The following DNAH1 variants were observed in gnomAD, a reference collection of about 807,000 sequenced individuals.
DNAH1 encodes the protein dynein axonemal heavy chain 1.
A neutral mutation model predicts 484.3 loss-of-function variants in DNAH1; 327 were observed. The observed-to-expected ratio is 0.68, with a 90% CI of 0.62 to 0.74. The LOEUF (loss-of-function observed/expected upper bound fraction) is 0.74, where lower values mean the gene tolerates loss of function less well. Ranked by LOEUF, DNAH1 falls within the 30% of genes least tolerant of loss-of-function variation. The probability of loss-of-function intolerance (pLI) is 0.00; values close to 1 mark genes in which losing one functional copy is unlikely to be tolerated. For synonymous variants in DNAH1, 2,192 were observed against 2,191.9 expected (o/e 1.00, Z 0.00); for missense variants, 5,052 against 5,546.8 (o/e 0.91, Z 2.83).
intron 44 of DNAH1, 130 bp from the exon 45 acceptor site, chr3:52,375,110 A>G (rs1458781625): frequency 2.8e-6 from 3 of 1,080,568 alleles, no homozygotes; most frequent in Admixed American, 3.1e-5. Flanking sequence ...CCTGTGTAAT[A>G]TTGATGTATT....
chr3:52,344,695 A>G, intron 9 of DNAH1, 48 bp downstream of exon 9: 1 of 1,571,234 alleles, frequency 6.4e-7, no homozygotes, highest in East Asian at 2.3e-5. Context: ...CCACCTGGCC[A>G]GAGCCCCCTC....
At position 52,353,189 on chromosome 3, in the gene DNAH1, G is replaced by T. The variant is rs1243838956; in HGVS notation, c.3114G>T (p.Glu1038Asp). The T allele has an allele frequency of 1.9e-6, 3 of 1,613,918 alleles. No individual in the cohort carries two copies. Among genetic ancestry groups the T allele is most frequent in the Non-Finnish European group, 2.5e-6 (3 of 1,179,906 alleles). The change falls in exon 19 of 78, where the codon GAG (glutamate) becomes GAT (aspartate). Residue 1038 changes from glutamate to aspartate, a missense_variant. Coordinates refer to ENST00000420323, the MANE Select transcript of DNAH1 (RefSeq NM_015512.5). The surrounding 1 kb of genome is among the most constrained non-coding windows in gnomAD (Gnocchi z 5.0). Reference sequence around the variant, plus strand: ...CGTCTGACTGGCTGCGCTGGTCGGAGAGCTGGATGAATGACCCCCTCTCTG... The same window carrying T: ...CGTCTGACTGGCTGCGCTGGTCGGATAGCTGGATGAATGACCCCCTCTCTG... Reference protein sequence around the residue: ...TTASDWLRWSESWMNDPLSAI... With the variant: ...TTASDWLRWSDSWMNDPLSAI...
Position 52,388,606 on chromosome 3 carries a change from C to T in DNAH1, c.9360C>T (p.Gly3120=), listed in dbSNP as rs1023343050. 56 of 1,612,012 alleles carry T rather than the reference C, an allele frequency of 3.5e-5. No individual in the cohort carries two copies. The highest frequency in any genetic ancestry group is 4.7e-5 in the Non-Finnish European group (55 of 1,179,458). Residue 3120 remains glycine, a synonymous_variant, in exon 58 of 78, where the codon GGC becomes GGT. Transcript: ENST00000420323. ...GTGAGCAGCGGCTGGGCCGAGCTGG[C>T]AAGGTGCGCACCCTCCTCCTGCAAG... ...EQCEQRLGRA[G]KLINGLSDEK... is the part of the protein sequence containing the mutation.
In DNAH1 at chr3:52,383,940, A is replaced by T; in HGVS notation, c.8231A>T (p.Glu2744Val). The T allele has an allele frequency of 6.2e-7, 1 of 1,613,258 alleles. No homozygotes were observed. The highest frequency in any genetic ancestry group is 1.7e-5 in the Admixed American group (1 of 59,932). Reference sequence around the variant, plus strand: ...TGCTGTACCATCGACTGGTTTAACGAGTGGCCGGCAGAAGCCCTGAAGTCT... The same window carrying T: ...TGCTGTACCATCGACTGGTTTAACGTGTGGCCGGCAGAAGCCCTGAAGTCT... Reference protein sequence around the residue: ...VNCCTIDWFNEWPAEALKSVA... With the variant: ...VNCCTIDWFNVWPAEALKSVA... Residue 2744 changes from glutamate (E) to valine (V), a missense_variant, in exon 52 of 78, where the codon GAG (glutamate) becomes GTG (valine). By Grantham distance (121) the Glu-to-Val change is moderately radical. Coordinates refer to ENST00000420323, the MANE Select transcript of DNAH1 (RefSeq NM_015512.5).
At chr3:52,365,591 G>C (rs529570900) in intron 34 of DNAH1, among the ~76,000 whole-genome samples, 1 of 152,030 alleles carries the variant, frequency 6.6e-6, no homozygotes, top group Non-Finnish European at 1.5e-5. Flanking sequence ...CCGAACCCTC[G>C]CCCCTCATAG....
intron 8 of DNAH1, 61 bp downstream of exon 8, chr3:52,332,455 A>G: frequency 6.3e-7 from 1 of 1,581,036 alleles, no homozygotes; most frequent in African/African-American, 1.3e-5. Context: ...ACCTTCCCAT[A>G]GGAAGTTGGT....
chr3:52,360,613 A>G (rs1443850331), intron 28 of DNAH1, among the ~76,000 whole-genome samples, 189 bp downstream of exon 28: 1 of 152,060 alleles, frequency 6.6e-6, no homozygotes, highest in African/African-American at 2.4e-5. Flanking sequence ...CGGGCAGGTG[A>G]CTTGACCCCT....
At chr3:52,331,624 T>C (rs940855284) in intron 7 of DNAH1, among the ~76,000 whole-genome samples, 4 of 103,464 alleles carry the variant, frequency 3.9e-5, no homozygotes, top group African/African-American at 2.0e-4. Flanking sequence ...CTTTTCTTTT[T>C]TTTTTTTTTT....
chr3:52,338,020 T>C (rs1701795843), intron 8 of DNAH1, among the ~76,000 whole-genome samples: 1 of 152,128 alleles, frequency 6.6e-6, no homozygotes, highest in Non-Finnish European at 1.5e-5. Context: ...TCTCAAACAT[T>C]TGGGCTCAAG....
chr3:52,352,805 GGCAGGACCCAGCAGGCT>G (rs1194131257), intron 18 of DNAH1, 98 bp downstream of exon 18: 1 of 1,474,074 alleles, frequency 6.8e-7, no homozygotes, highest in Non-Finnish European at 9.0e-7. Flanking sequence ...GGCATTTGGG[GGCAGGACCCAGCAGGCT>G]GCAGAGTGGA....
intron 75 of DNAH1, 146 bp from the exon 76 acceptor site, chr3:52,398,704 T>A: frequency 7.7e-6 from 5 of 651,678 alleles, no homozygotes; most frequent in Non-Finnish European, 1.2e-5. Context: ...GAGCTGGGAT[T>A]TGTACCCAGG....
chr3:52,334,656 G>A (rs1037439008), intron 8 of DNAH1, among the ~76,000 whole-genome samples: 1 of 152,032 alleles, frequency 6.6e-6, no homozygotes, highest in Non-Finnish European at 1.5e-5. Flanking sequence ...AGCTGAGCGT[G>A]GTGGCACACG....
At chr3:52,323,375 G>T (rs1701221168) in intron 2 of DNAH1, among the ~76,000 whole-genome samples, 1 of 152,196 alleles carries the variant, frequency 6.6e-6, no homozygotes, top group African/African-American at 2.4e-5. Flanking sequence ...AGTCCTGTAG[G>T]TCCCAGGCAG....
At position 52,376,129 on chromosome 3, in the gene DNAH1, G is replaced by A. The variant is rs554836403; in HGVS notation, c.7198+136G>A. On this transcript the variant is annotated intron_variant, in intron 46 of 77. Transcript: ENST00000420323. Reference sequence around the variant, plus strand: ...CATGCAGGGACCTTGGGCCACTAGGGTGCCAGAGCGAAGGTTGACACAGGC... The same window carrying A: ...CATGCAGGGACCTTGGGCCACTAGGATGCCAGAGCGAAGGTTGACACAGGC... The A allele has an allele frequency of 1.8e-5, 20 of 1,095,486 alleles. No individual in the cohort carries two copies. The East Asian group carries it at 4.7e-4, about 26-fold the overall frequency. The allele number at this position is 1,095,486 out of a possible 1,614,324, so 67.9% of individuals were successfully genotyped here. A position where few individuals can be genotyped will look rare whatever the true frequency, so the allele number is the denominator to read the frequency against.
At chr3:52,397,947 G>A in intron 74 of DNAH1, 70 bp downstream of exon 74, 1 of 1,578,112 alleles carries the variant, frequency 6.3e-7, no homozygotes. Flanking sequence ...CCACTCCCCT[G>A]TGGGAAGGAC....
chr3:52,394,357 C>CA (rs1491202688), intron 66 of DNAH1, 108 bp from the exon 67 acceptor site: 21 of 1,052,756 alleles, frequency 2.0e-5, no homozygotes, highest in East Asian at 7.8e-5. Context: ...AAGGGAGACT[C>CA]AGTTTCTCCA....
upstream of DNAH1, among the ~76,000 whole-genome samples, chr3:52,312,272 AGG>A (rs1264768721): frequency 3.3e-5 from 5 of 152,120 alleles, no homozygotes; most frequent in East Asian, 9.7e-4. Context: ...CTCTGCTTGG[AGG>A]GAGGGCTGAG....
intron 8 of DNAH1, among the ~76,000 whole-genome samples, chr3:52,338,184 C>T (rs2153223466): frequency 1.3e-5 from 2 of 152,266 alleles, no homozygotes; most frequent in South Asian, 4.2e-4. Context: ...TCTCTGCTCA[C>T]TGCAACCTCT....
Position 52,370,127 on chromosome 3 carries a change from T to C in DNAH1, c.6156T>C (p.Val2052=). The C allele has an allele frequency of 6.2e-7, 1 of 1,613,994 alleles. No homozygotes were observed. The highest frequency in any genetic ancestry group is 8.5e-7 in the Non-Finnish European group (1 of 1,179,880). ...CCCTGCAGGAATCCATCTCCTTCGT[T>C]CGGTCCTCAGTGAAGGAGGTGATCG... ...VSFLEESISF[V]RSSVKEVIAS... is the part of the protein sequence containing the mutation. Residue 2052 remains valine (V), a synonymous_variant, in exon 39 of 78, where the codon GTT becomes GTC. Coordinates refer to ENST00000420323, the MANE Select transcript of DNAH1 (RefSeq NM_015512.5).
Sources: gnomAD v4.1 joint callset for allele counts (sites outside exome capture counted in the v4.1 genomes callset) on GRCh38, gnomAD v4.1.1 for gene constraint, Gnocchi (gnomAD v3.1) non-coding constraint, MANE v1.5 for transcripts, NCBI Gene and HGNC (gene_info 2026-07-23, HGNC 2026-07-21) for gene names.